LAMP2: variants seen among roughly 807,000 people sequenced by gnomAD.
The protein encoded by LAMP2 is lysosome associated membrane protein 2.
Under a neutral mutation model 25.6 loss-of-function variants are expected in LAMP2, and 4 were observed. That is an observed-to-expected ratio of 0.16 (90% confidence interval 0.08 to 0.36). The LOEUF is 0.36. LAMP2 is among the 10% of genes least tolerant of loss of function. The pLI is 1.00. For missense variants in LAMP2, 272 were observed against 301.4 expected, an observed-to-expected ratio of 0.90 and a Z score of 0.72; for synonymous variants, 108 against 112.7, an observed-to-expected ratio of 0.96 and a Z score of 0.27.
chrX:120,455,558 T>A lies in LAMP2; in HGVS notation c.196A>T (p.Ile66Phe). ...TATGTCACAGTGCCATGGTCTGAAA[T>A]GGTTACAGTTTTCTAAAAGAAATAG... ...TTNKTYKTVT[I>F]SDHGTVTYNG... is the part of the protein sequence containing the mutation. Residue 66 changes from isoleucine to phenylalanine, a missense_variant, in exon 3 of 9, where the codon ATT becomes TTT. Coordinates refer to ENST00000200639, the MANE Select transcript of LAMP2 (RefSeq NM_002294.3). 8.3e-7 allele frequency: 1 copy of A among 1,203,648 alleles called. No homozygotes were observed. The highest frequency in any genetic ancestry group is 1.1e-6 in the Non-Finnish European group (1 of 888,647).
chrX:120,433,485 TCTC>T (rs1165098203), intron 8 of LAMP2, among the ~76,000 whole-genome samples: 1 of 111,350 alleles, frequency 9.0e-6, no homozygotes, highest in Non-Finnish European at 1.9e-5. Flanking sequence ...TGGTACAAGT[TCTC>T]CTACAAGTTA....
chrX:120,468,458 C>T (rs1158900356), intron 1 of LAMP2, among the ~76,000 whole-genome samples: 1 of 110,745 alleles, frequency 9.0e-6, no homozygotes. Flanking sequence ...TAGGTTCCTT[C>T]GCCCTTAAAA....
At chrX:120,456,177 T>TG (rs1257239586) in intron 2 of LAMP2, among the ~76,000 whole-genome samples, 1 of 107,447 alleles carries the variant, frequency 9.3e-6, no homozygotes, top group Non-Finnish European at 1.9e-5. Flanking sequence ...GAGGTACATG[T>TG]GTGTGCCACC....
intron 8 of LAMP2, chrX:120,438,732 A>ACAAAAC: frequency 1.3e-6 from 1 of 756,965 alleles, no homozygotes; most frequent in Non-Finnish European, 1.6e-6. Context: ...ACACACACAC[A>ACAAAAC]AAAAGAGCAA....
At chrX:120,441,612 G>A in intron 8 of LAMP2, 118 bp downstream of exon 8, 5 of 580,775 alleles carry the variant, frequency 8.6e-6, no homozygotes, top group Admixed American at 5.9e-5. Flanking sequence ...TGCACAATTT[G>A]GTCAAGGCTA....
intron 8 of LAMP2, chrX:120,437,732 G>A (rs1188989159): frequency 1.3e-6 from 1 of 745,217 alleles, no homozygotes. Flanking sequence ...CCATTTAAAT[G>A]TGAAAGCCAA....
intron 3 of LAMP2, among the ~76,000 whole-genome samples, chrX:120,452,773 T>TG (rs757851991): frequency 2.0e-5 from 2 of 101,554 alleles, no homozygotes; most frequent in East Asian, 6.2e-4. Flanking sequence ...AGGCTAGTCT[T>TG]GAACTCCCTG....
chrX:120,427,214 T>G lies in LAMP2; in HGVS notation c.*4109A>C. On this transcript the variant is annotated 3_prime_UTR_variant, in exon 9 of 9. Coordinates refer to ENST00000200639, the MANE Select transcript of LAMP2 (RefSeq NM_002294.3). ...AGGCAGATCTTTGGGAACTTTTGTTTTTAGTTAAATGTAGAGATAAAATAG... is the reference window on the plus strand; with the variant it reads ...AGGCAGATCTTTGGGAACTTTTGTTGTTAGTTAAATGTAGAGATAAAATAG... Among the ~76,000 whole-genome samples, 1 of 111,776 alleles carries G rather than the reference T, an allele frequency of 8.9e-6. No homozygotes were observed. Among genetic ancestry groups the G allele is most frequent in the Non-Finnish European group, 1.9e-5 (1 of 53,145 alleles).
chrX:120,448,708 C>T (rs1321702009), intron 4 of LAMP2, among the ~76,000 whole-genome samples: 1 of 112,712 alleles, frequency 8.9e-6, no homozygotes, highest in African/African-American at 3.2e-5. Context: ...TCTGTTCAAA[C>T]AATGATTAGG....
intron 1 of LAMP2, among the ~76,000 whole-genome samples, chrX:120,457,263 A>G (rs1020581849): frequency 7.2e-5 from 8 of 111,550 alleles, no homozygotes; most frequent in East Asian, 2.8e-4. Context: ...CATTCACTGC[A>G]AAAATAATGA....
rs1602526101 is a variant in LAMP2 at position 120,429,808 on chromosome X, C to T, written c.*1515G>A. On this transcript the variant is annotated 3_prime_UTR_variant, in exon 9 of 9. Transcript: ENST00000200639. The stretch of plus-strand genomic sequence containing the variant: ...ATATGGAACCTCAATGAATTTCACT[C>T]CCCTTTCTGTAAATAATCGTTAAGG... 1.3e-6 allele frequency: 1 copy of T among 751,648 alleles called. No homozygotes were observed. The highest frequency in any genetic ancestry group is 8.8e-5 in the Admixed American group (1 of 11,332). 61.9% of individuals were successfully genotyped at this position (751,648 alleles called of 1,213,427 possible).
chrX:120,456,237 G>A (rs1921088790), intron 2 of LAMP2, among the ~76,000 whole-genome samples: 1 of 109,336 alleles, frequency 9.1e-6, no homozygotes, highest in Non-Finnish European at 1.9e-5. Flanking sequence ...GTCTCACCAT[G>A]TTGCCCGGGC....
intron 8 of LAMP2, among the ~76,000 whole-genome samples, chrX:120,432,431 A>C (rs2058526542): frequency 9.0e-6 from 1 of 111,366 alleles, no homozygotes; most frequent in Non-Finnish European, 1.9e-5. Context: ...GCAGGATATT[A>C]AGCAGGATTT....
rs752246715 is a variant in LAMP2, at chrX:120,444,079, G to A, written c.865-1417C>T. ...AAAAGAAAGAAAGAAAGAAAAGAAAGAGAGAAACACTGATGGAGAGATGTG... is the reference window on the plus strand; with the variant it reads ...AAAAGAAAGAAAGAAAGAAAAGAAAAAGAGAAACACTGATGGAGAGATGTG... On this transcript the variant is annotated intron_variant, in intron 6 of 8. Coordinates refer to ENST00000200639, the MANE Select transcript of LAMP2 (RefSeq NM_002294.3). 4.2e-4 allele frequency among the ~76,000 whole-genome samples: 47 copies of A among 111,921 alleles called. 1 individual carries two copies. Among genetic ancestry groups the A allele is most frequent in the Non-Finnish European group, 7.9e-4 (42 of 53,078 alleles).
chrX:120,449,574 A>G (rs1189396393), intron 3 of LAMP2, among the ~76,000 whole-genome samples: 1 of 111,715 alleles, frequency 9.0e-6, no homozygotes, highest in Non-Finnish European at 1.9e-5. Context: ...AAGATCGCCC[A>G]CTGCACTACA....
At chrX:120,439,357 A>T in intron 8 of LAMP2, 1 of 1,046,277 alleles carries the variant, frequency 9.6e-7, no homozygotes. Context: ...TCTCGAAGTC[A>T]AAGATGTTGA....
At chrX:120,435,378 A>G (rs2058538883) in intron 8 of LAMP2, among the ~76,000 whole-genome samples, 1 of 111,708 alleles carries the variant, frequency 9.0e-6, no homozygotes, top group African/African-American at 3.3e-5. Flanking sequence ...ACCAGGGTAA[A>G]AGAAAAGGAG....
chrX:120,436,817 G>T, intron 8 of LAMP2: 1 of 733,820 alleles, frequency 1.4e-6, no homozygotes, highest in Non-Finnish European at 1.6e-6. Context: ...AATATTCACT[G>T]AAGTCAGGTT....
At chrX:120,439,015 G>T in intron 8 of LAMP2, 1 of 1,094,531 alleles carries the variant, frequency 9.1e-7, no homozygotes, top group Non-Finnish European at 1.2e-6. Context: ...ATAGTTTTTT[G>T]TTTAAGTTTG....
Sources: gnomAD v4.1 joint callset for allele counts (sites outside exome capture counted in the v4.1 genomes callset) on GRCh38, gnomAD v4.1.1 for gene constraint, MANE v1.5 for transcripts, NCBI Gene and HGNC (gene_info 2026-07-23, HGNC 2026-07-21) for gene names.